ANGEL2: variants seen among roughly 807,000 people sequenced by gnomAD.
ANGEL2 encodes RNA 2',3'-cyclic phosphatase ANGEL2.
ANGEL2 carries 41 observed loss-of-function variants against 66.0 expected under a neutral mutation model. The ratio of observed to expected loss-of-function variants is 0.62; its 90% CI spans 0.48 to 0.81. The LOEUF (loss-of-function observed/expected upper bound fraction) is 0.81, where lower values mean the gene tolerates loss of function less well. ANGEL2 is among the 30% of genes least tolerant of loss of function. The pLI is 0.00. For synonymous variants in ANGEL2, 208 were observed against 226.5 expected (o/e 0.92, Z 0.73); for missense variants, 561 against 641.6 (o/e 0.87, Z 1.36).
intron 2 of ANGEL2, 41 bp downstream of exon 2, chr1:213,013,052 A>G (rs778903468): frequency 1.3e-6 from 2 of 1,565,622 alleles, no homozygotes; most frequent in Non-Finnish European, 1.7e-6. Flanking sequence ...TTAGTCTATC[A>G]CTTGTATCTA....
intron 8 of ANGEL2, among the ~76,000 whole-genome samples, chr1:212,995,652 G>A (rs966964435): frequency 6.6e-6 from 1 of 152,188 alleles, no homozygotes; most frequent in African/African-American, 2.4e-5. Flanking sequence ...TTGAAATGCT[G>A]ATCCATAACA....
intron 2 of ANGEL2, among the ~76,000 whole-genome samples, chr1:213,009,547 C>T (rs187264606): frequency 1.3e-5 from 2 of 152,282 alleles, no homozygotes; most frequent in African/African-American, 2.4e-5. Context: ...GCCTGGAATT[C>T]CACCAATCAA....
At chr1:213,010,464 C>T (rs760229392) in intron 2 of ANGEL2, among the ~76,000 whole-genome samples, 3 of 151,548 alleles carry the variant, frequency 2.0e-5, no homozygotes, top group African/African-American at 7.3e-5. Context: ...CCCAGCTACT[C>T]GGGAGGCTGA....
At chr1:213,000,514 A>G (rs893708517) in intron 6 of ANGEL2, 131 bp from the exon 7 acceptor site, 1 of 865,898 alleles carries the variant, frequency 1.2e-6, no homozygotes, top group African/African-American at 1.7e-5. Flanking sequence ...TCATTCTGGA[A>G]TCTATATATT....
At chr1:212,996,177 G>A (rs984952572) in intron 8 of ANGEL2, among the ~76,000 whole-genome samples, 92 of 152,062 alleles carry the variant, frequency 6.1e-4, no homozygotes, top group African/African-American at 9.4e-4. Flanking sequence ...CATGGTGGCG[G>A]GCGCCTGTAG....
intron 8 of ANGEL2, among the ~76,000 whole-genome samples, chr1:212,996,270 G>A (rs1025784997): frequency 4.6e-5 from 7 of 152,128 alleles, no homozygotes; most frequent in African/African-American, 1.7e-4. Context: ...TAGCGCCACT[G>A]CACTCCAGCC....
chr1:213,005,271 G>C lies in ANGEL2; in HGVS notation c.896C>G (p.Ala299Gly), dbSNP rs771363320. 29 of 1,614,106 alleles carry C rather than the reference G, an allele frequency of 1.8e-5. No individual in the cohort carries two copies. The highest frequency in any genetic ancestry group is 2.5e-5 in the Non-Finnish European group (29 of 1,180,058). The change falls in exon 5 of 9, where the codon GCT becomes GGT. Residue 299 changes from alanine (A) to glycine (G), a missense_variant. By Grantham distance (60) the Ala-to-Gly change is moderately conservative (BLOSUM62 0). Coordinates refer to ENST00000366962, the MANE Select transcript of ANGEL2 (RefSeq NM_144567.5). The stretch of plus-strand genomic sequence containing the variant: ...TGCTACGCAGATTGCAGGGCAGGCA[G>C]CATATGGAATTTTGGGCTGTAAGAG... ...VLLLQPKIPY[A>G]ACPAICVANT...
At chr1:212,997,066 T>C (rs2076044099) in intron 8 of ANGEL2, 89 bp downstream of exon 8, 2 of 1,195,298 alleles carry the variant, frequency 1.7e-6, no homozygotes, top group Admixed American at 2.3e-5. Flanking sequence ...GAACTTCAAC[T>C]GGATGTTTAG....
At chr1:213,008,152 G>A (rs2076392879) in intron 3 of ANGEL2, 58 bp downstream of exon 3, 5 of 1,556,998 alleles carry the variant, frequency 3.2e-6, no homozygotes, top group Middle Eastern at 4.6e-4. Context: ...GCATGAGCCA[G>A]TGTGCCCGGC....
In ANGEL2 at chr1:212,992,835, C is replaced by T. The variant is rs2075890562; in HGVS notation, c.*2206G>A. ...TATTTGTTAATAAATTCACACAACA[C>T]AAAGCAGTAATTAACTAATGAATTT... On this transcript the variant is annotated 3_prime_UTR_variant, in exon 9 of 9. Coordinates refer to ENST00000366962, the MANE Select transcript of ANGEL2 (RefSeq NM_144567.5). 6.6e-6 allele frequency: 1 copy of T among 152,086 alleles called. No individual in the cohort carries two copies. The highest frequency in any genetic ancestry group is 1.5e-5 in the Non-Finnish European group (1 of 68,006). The allele number at this position is 152,086 out of a possible 1,614,324, so 9.4% of individuals were successfully genotyped here. A position where few individuals can be genotyped will look rare whatever the true frequency, so the allele number is the denominator to read the frequency against.
chr1:213,008,095 C>T (rs2076390444), intron 3 of ANGEL2, 115 bp downstream of exon 3: 1 of 1,179,106 alleles, frequency 8.5e-7, no homozygotes, highest in Non-Finnish European at 1.2e-6. Flanking sequence ...AACTACCGAC[C>T]TCAGGTGATC....
Position 212,994,922 on chromosome 1 carries a change from C to T in ANGEL2, c.*119G>A, listed in dbSNP as rs1397486948. The T allele has an allele frequency of 9.9e-6, 9 of 908,934 alleles. No homozygotes were observed. The highest frequency in any genetic ancestry group is 1.3e-5 in the Non-Finnish European group (9 of 668,700). The allele number at this position is 908,934 out of a possible 1,614,324, so 56.3% of individuals were successfully genotyped here. ...TGATATGGAGTTTCAAAGCATCTAA[C>T]ATAACCGCTTCAGAATCTCCACAGT... On this transcript the variant is annotated 3_prime_UTR_variant, in exon 9 of 9. Coordinates refer to ENST00000366962, the MANE Select transcript of ANGEL2 (RefSeq NM_144567.5).
intron 6 of ANGEL2, 170 bp downstream of exon 6, chr1:213,000,616 C>G: frequency 1.3e-6 from 1 of 794,262 alleles, no homozygotes; most frequent in South Asian, 2.6e-5. Context: ...TCTGGAAGTT[C>G]AACTTTAAAA....
In ANGEL2 at chr1:213,013,164, A is replaced by G; in HGVS notation, c.314T>C (p.Leu105Ser). 6.2e-7 allele frequency: 1 copy of G among 1,614,176 alleles called. No individual in the cohort carries two copies. The highest frequency in any genetic ancestry group is 8.5e-7 in the Non-Finnish European group (1 of 1,180,014). Reference protein sequence around the residue: ...WRPDNLSQTSLIHLSSYVMNA... With the variant: ...WRPDNLSQTSSIHLSSYVMNA... ...CATGACGTAACTAGAGAGATGAATC[A>G]AAGATGTCTGGCTCAGGTTGTCAGG... The change falls in exon 2 of 9, where the codon TTG (leucine) becomes TCG (serine). Residue 105 changes from leucine to serine, a missense_variant. Coordinates refer to ENST00000366962, the MANE Select transcript of ANGEL2 (RefSeq NM_144567.5).
At position 212,997,337 on chromosome 1, in the gene ANGEL2, G is replaced by A; in HGVS notation, c.1320-19C>T. On this transcript the variant is annotated intron_variant, in intron 7 of 8. Transcript: ENST00000366962. ...AGACAATCTAAATAGAAAAGAAGAA[G>A]TGTTTAGAATCCGAGTTTTTGTAAC... The A allele has an allele frequency of 6.3e-7, 1 of 1,586,108 alleles. No individual in the cohort carries two copies. Among genetic ancestry groups the A allele is most frequent in the Non-Finnish European group, 8.6e-7 (1 of 1,159,354 alleles).
Position 213,013,409 on chromosome 1 carries a change from C to G in ANGEL2, c.69G>C (p.Met23Ile), listed in dbSNP as rs1436119605. The stretch of plus-strand genomic sequence containing the variant: ...CCAGACTCCTCGAGTGATGGGGAAA[C>G]ATGGGGTATCTAAAAGAAATAAATA... ...HCVVGRGRYP[M>I]FPHHSRSLGR... Residue 23 changes from methionine (M) to isoleucine (I), a missense_variant, in exon 2 of 9, where the codon ATG (methionine) becomes ATC (isoleucine). Transcript: ENST00000366962. 7 of 1,611,426 alleles carry G rather than the reference C, an allele frequency of 4.3e-6. No homozygotes were observed. The highest frequency in any genetic ancestry group is 1.3e-5 in the African/African-American group (1 of 74,754).
intron 4 of ANGEL2, 151 bp downstream of exon 4, chr1:213,006,978 C>T: frequency 3.2e-6 from 2 of 627,330 alleles, no homozygotes; most frequent in Non-Finnish European, 5.4e-6. Flanking sequence ...TCTCTAGTCC[C>T]AGCTACTCAG....
Position 213,015,349 on chromosome 1 carries a change from G to A in ANGEL2, c.59+264C>T, listed in dbSNP as rs1389778461. On this transcript the variant is annotated intron_variant, in intron 1 of 8. Transcript: ENST00000366962. The stretch of plus-strand genomic sequence containing the variant: ...AGCAGGCCAGGGATCCAAAGCCACT[G>A]GCACAAGCCTGGCCGGCGGCCCATG... 3.6e-6 allele frequency: 5 copies of A among 1,391,210 alleles called. No homozygotes were observed. The East Asian group carries it at 1.1e-4, about 30-fold the overall frequency. The allele number at this position is 1,391,210 out of a possible 1,614,324, so 86.2% of individuals were successfully genotyped here.
At chr1:213,010,219 G>C (rs1372473960) in intron 2 of ANGEL2, among the ~76,000 whole-genome samples, 1 of 151,940 alleles carries the variant, frequency 6.6e-6, no homozygotes, top group East Asian at 1.9e-4. Flanking sequence ...CAGAACTAAG[G>C]CCAATTGTAC....
Sources: gnomAD v4.1 joint callset for allele counts (sites outside exome capture counted in the v4.1 genomes callset) on GRCh38, gnomAD v4.1.1 for gene constraint, MANE v1.5 for transcripts, NCBI Gene and HGNC (gene_info 2026-07-23, HGNC 2026-07-21) for gene names.